Variants in TRAPPC9 observed in about 807,000 individuals in gnomAD.
TRAPPC9 encodes the protein trafficking protein particle complex subunit 9.
Under a neutral mutation model 124.0 loss-of-function variants are expected in TRAPPC9, and 83 were observed. The ratio of observed to expected loss-of-function variants is 0.67; its 90% CI spans 0.56 to 0.80. The LOEUF is 0.80. Among genes scored for constraint, TRAPPC9 ranks in the 30% least tolerant of loss-of-function variants. The pLI is 0.00. For missense variants in TRAPPC9, 1,302 were observed against 1,508.3 expected, an observed-to-expected ratio of 0.86 and a Z score of 2.27; for synonymous variants, 638 against 617.5, an observed-to-expected ratio of 1.03 and a Z score of -0.49.
At chr8:140,402,154 G>C (rs1483651007) in intron 6 of TRAPPC9, among the ~76,000 whole-genome samples, 1 of 151,884 alleles carries the variant, frequency 6.6e-6, no homozygotes, top group Non-Finnish European at 1.5e-5. Flanking sequence ...ATTGCTTCAG[G>C]CCAGGAGTTC....
intron 17 of TRAPPC9, among the ~76,000 whole-genome samples, chr8:140,059,940 G>A (rs1471182762): frequency 2.0e-5 from 3 of 152,048 alleles, no homozygotes; most frequent in African/African-American, 4.8e-5. Flanking sequence ...GTCTGTGTAC[G>A]CTAACACCAT....
intron 21 of TRAPPC9, among the ~76,000 whole-genome samples, chr8:139,793,204 A>G (rs998283931): frequency 6.6e-6 from 1 of 151,750 alleles, no homozygotes; most frequent in Non-Finnish European, 1.5e-5. Context: ...AAACCAGGGG[A>G]CTCGGCTGTC....
At chr8:140,289,561 GC>G in intron 12 of TRAPPC9, among the ~76,000 whole-genome samples, 1 of 152,154 alleles carries the variant, frequency 6.6e-6, no homozygotes, top group East Asian at 1.9e-4. Context: ...TTAAAACTTT[GC>G]CCATGATTTG....
At chr8:140,239,052 G>A (rs572719644) in intron 16 of TRAPPC9, among the ~76,000 whole-genome samples, 3 of 152,182 alleles carry the variant, frequency 2.0e-5, no homozygotes, top group South Asian at 4.1e-4. Flanking sequence ...AGCAGGCCCC[G>A]GAGAAAGCTG....
At position 140,036,220 on chromosome 8, in the gene TRAPPC9, CT is replaced by C. The variant is rs1483827224; in HGVS notation, c.2557-12142del. Among the ~76,000 whole-genome samples the C allele has an allele frequency of 2.7e-5, 3 of 112,998 alleles. No individual in the cohort carries two copies. In the East Asian group the frequency reaches 8.1e-4, roughly 30 times the overall value. 74.1% of individuals were successfully genotyped at this position (112,998 alleles called of 152,430 possible). A position where few individuals can be genotyped will look rare whatever the true frequency, so the allele number is the denominator to read the frequency against. On this transcript the variant is annotated intron_variant, in intron 17 of 22. Coordinates refer to ENST00000438773, the MANE Select transcript of TRAPPC9 (RefSeq NM_001160372.4). ...GCTAAAGGCATGACCTGAACGACTTCTTTAAAAAAAAAAAAAAGAACACTCT... is the reference window on the plus strand; with the variant it reads ...GCTAAAGGCATGACCTGAACGACTTCTTAAAAAAAAAAAAAAGAACACTCT...
intron 18 of TRAPPC9, among the ~76,000 whole-genome samples, chr8:140,003,403 T>C (rs1838531371): frequency 6.6e-6 from 1 of 151,872 alleles, no homozygotes; most frequent in Admixed American, 6.6e-5. Flanking sequence ...GGTGAACATG[T>C]TTGTGAACAA....
chr8:139,823,273 C>T (rs964108589), intron 21 of TRAPPC9, among the ~76,000 whole-genome samples: 2 of 152,044 alleles, frequency 1.3e-5, no homozygotes, highest in African/African-American at 2.4e-5. Flanking sequence ...GGACCAGGTG[C>T]CCAGCGGTCT....
At chr8:140,327,552 A>C (rs2066771692) in intron 9 of TRAPPC9, among the ~76,000 whole-genome samples, 1 of 152,270 alleles carries the variant, frequency 6.6e-6, no homozygotes, top group African/African-American at 2.4e-5. Flanking sequence ...AATGTAGTCT[A>C]TCCCTACAAT....
chr8:140,194,011 C>T (rs2062568397), intron 17 of TRAPPC9, among the ~76,000 whole-genome samples: 1 of 152,214 alleles, frequency 6.6e-6, no homozygotes, highest in Non-Finnish European at 1.5e-5. Flanking sequence ...TCCAGTGCTT[C>T]CTTGGAGCCA....
intron 16 of TRAPPC9, among the ~76,000 whole-genome samples, chr8:140,240,921 A>G (rs1238354419): frequency 6.6e-6 from 1 of 152,170 alleles, no homozygotes; most frequent in Non-Finnish European, 1.5e-5. Flanking sequence ...GTATCTTTCA[A>G]TGAAGTCCAA....
intron 4 of TRAPPC9, among the ~76,000 whole-genome samples, chr8:140,431,715 G>T (rs1316746563): frequency 6.6e-6 from 1 of 152,216 alleles, no homozygotes; most frequent in East Asian, 1.9e-4. Flanking sequence ...TGCAGAGCGA[G>T]GAGGTGGGGG....
intron 17 of TRAPPC9, chr8:140,040,830 G>A (rs976186633): frequency 5.3e-5 from 8 of 152,248 alleles, no homozygotes; most frequent in African/African-American, 1.2e-4. Flanking sequence ...GAGCCACGGG[G>A]AGGCCCAAGT....
intron 19 of TRAPPC9, among the ~76,000 whole-genome samples, chr8:139,927,827 A>G (rs1832901366): frequency 6.6e-6 from 1 of 152,212 alleles, no homozygotes; most frequent in African/African-American, 2.4e-5. Context: ...TCTCCAAACC[A>G]TTGTGCTGAG....
chr8:140,196,672 C>A (rs1418031618), intron 17 of TRAPPC9, among the ~76,000 whole-genome samples: 1 of 151,830 alleles, frequency 6.6e-6, no homozygotes, highest in Non-Finnish European at 1.5e-5. Flanking sequence ...CTAAAACACA[C>A]TCAACAATCC....
At chr8:139,941,343 A>C (rs1405436662) in intron 19 of TRAPPC9, among the ~76,000 whole-genome samples, 1 of 152,248 alleles carries the variant, frequency 6.6e-6, no homozygotes, top group Non-Finnish European at 1.5e-5. Flanking sequence ...GAGGGCCGGC[A>C]GCCCCTAGCC....
At chr8:139,831,436 CACAT>C (rs1174002342) in intron 21 of TRAPPC9, among the ~76,000 whole-genome samples, 1 of 152,198 alleles carries the variant, frequency 6.6e-6, no homozygotes, top group East Asian at 1.9e-4. Context: ...CCCACGCACT[CACAT>C]GCATGCAAGC....
At chr8:140,148,727 C>T (rs375390057) in intron 17 of TRAPPC9, among the ~76,000 whole-genome samples, 17 of 152,202 alleles carry the variant, frequency 1.1e-4, no homozygotes, top group Non-Finnish European at 1.5e-5. Flanking sequence ...CCAAGCAATT[C>T]ATTTAGAGAC....
intron 21 of TRAPPC9, among the ~76,000 whole-genome samples, chr8:139,754,596 C>G (rs1344706030): frequency 6.6e-6 from 1 of 152,182 alleles, no homozygotes; most frequent in East Asian, 1.9e-4. Flanking sequence ...CTCGGGGTAA[C>G]AACAAGAAGC....
chr8:140,090,421 AC>A (rs1844487555), intron 17 of TRAPPC9, among the ~76,000 whole-genome samples: 1 of 152,196 alleles, frequency 6.6e-6, no homozygotes, highest in Non-Finnish European at 1.5e-5. Context: ...TTCAGAGTGA[AC>A]CCTAAGTGGA....
Sources: allele counts gnomAD v4.1 joint callset (sites outside exome capture counted in the v4.1 genomes callset), GRCh38; gene constraint gnomAD v4.1.1; transcripts MANE v1.5; gene names NCBI Gene and HGNC (gene_info 2026-07-23, HGNC 2026-07-21).